The following ZNF462 variants were observed in gnomAD, a reference collection of about 807,000 sequenced individuals.
ZNF462 encodes the protein zinc finger PBX1-interacting protein.
In ZNF462, 10 loss-of-function variants were observed where a neutral mutation model predicts 201.9. The ratio of observed to expected loss-of-function variants is 0.05; its 90% CI spans 0.03 to 0.08. The LOEUF is 0.08. Ranked by LOEUF, ZNF462 falls within the 10% of genes least tolerant of loss-of-function variation. The pLI is 1.00. For missense variants in ZNF462, 2,523 were observed against 3,168.3 expected, an observed-to-expected ratio of 0.80 and a Z score of 4.89; for synonymous variants, 1,227 against 1,193.3, an observed-to-expected ratio of 1.03 and a Z score of -0.58.
At chr9:106,874,842 GA>G (rs1827757921) in intron 1 of ZNF462, among the ~76,000 whole-genome samples, 1 of 152,150 alleles carries the variant, frequency 6.6e-6, no homozygotes, top group Non-Finnish European at 1.5e-5. Context: ...CAGTGTTTCA[GA>G]ATACCTCACC....
At position 106,865,238 on chromosome 9, in the gene ZNF462, G is replaced by T. The variant is rs539131761; in HGVS notation, c.-31+1883G>T. Among the ~76,000 whole-genome samples, 2 of 152,082 alleles carry T rather than the reference G, an allele frequency of 1.3e-5. No homozygotes were observed. Among genetic ancestry groups the T allele is most frequent in the Non-Finnish European group, 2.9e-5 (2 of 68,020 alleles). ...TTCTCCTTTTGAGTGGACCTGAAGGGTTTTGACCTCCTTCAGGAAAGGCAA... is the reference window on the plus strand; with the variant it reads ...TTCTCCTTTTGAGTGGACCTGAAGGTTTTTGACCTCCTTCAGGAAAGGCAA... On this transcript the variant is annotated intron_variant, in intron 1 of 12. Coordinates refer to ENST00000277225, the MANE Select transcript of ZNF462 (RefSeq NM_021224.6). The surrounding 1 kb of genome is among the most constrained non-coding windows in gnomAD (Gnocchi z 4.1).
In ZNF462 at chr9:106,877,966, C is replaced by A. The variant is rs1287947785; in HGVS notation, c.-31+14611C>A. 2.0e-5 allele frequency among the ~76,000 whole-genome samples: 3 copies of A among 152,192 alleles called. No individual in the cohort carries two copies. The East Asian group carries it at 5.8e-4, about 29-fold the overall frequency. On this transcript the variant is annotated intron_variant, in intron 1 of 12. Coordinates refer to ENST00000277225, the MANE Select transcript of ZNF462 (RefSeq NM_021224.6). ...GCTGAACCCCAGACTCCCTAGGACC[C>A]CTAAAAGACTGGGAGTGGGAAGGTT... is the stretch of plus-strand genomic sequence containing the variant.
rs149710757 is a variant in ZNF462 at position 106,879,335 on chromosome 9, C to G, written c.-31+15980C>G. ...GAAGCCTAGAGAGATGCTTTCCACC[C>G]CCCCCCCCACCCCCCACCTTGTCTC... On this transcript the variant is annotated intron_variant, in intron 1 of 12. Coordinates refer to ENST00000277225, the MANE Select transcript of ZNF462 (RefSeq NM_021224.6). Among the ~76,000 whole-genome samples, 39 of 101,506 alleles carry G rather than the reference C, an allele frequency of 3.8e-4. 1 individual carries two copies. The East Asian group carries it at 0.013, about 34-fold the overall frequency. 66.6% of individuals were successfully genotyped at this position (101,506 alleles called of 152,430 possible). A position where few individuals can be genotyped will look rare whatever the true frequency, so the allele number is the denominator to read the frequency against.
intron 7 of ZNF462, among the ~76,000 whole-genome samples, chr9:106,957,814 A>G (rs1831647784): frequency 6.6e-6 from 1 of 152,148 alleles, no homozygotes; most frequent in Non-Finnish European, 1.5e-5. Context: ...AAATAGAGCA[A>G]AGGGTGGCTG....
intron 10 of ZNF462, among the ~76,000 whole-genome samples, chr9:106,992,812 T>C (rs1230380647): frequency 6.6e-6 from 1 of 152,076 alleles, no homozygotes; most frequent in Non-Finnish European, 1.5e-5. Flanking sequence ...TTACTTATAA[T>C]AGATAAATTT....
At chr9:106,862,234 G>A (rs1827088323), upstream of ZNF462, among the ~76,000 whole-genome samples, 1 of 152,320 alleles carries the variant, frequency 6.6e-6, no homozygotes, top group East Asian at 1.9e-4. This position sits in a 1 kb window ranked among gnomAD's most constrained non-coding sequence, Gnocchi z 4.2. Flanking sequence ...CCACGTGGTT[G>A]ATCTGGGTTT....
In ZNF462 at chr9:106,972,055, C is replaced by G. The variant is rs1826646877; in HGVS notation, c.6478C>G (p.Gln2160Glu). The part of the protein sequence containing the change: ...PDVQQQLNHY[Q>E]SAALARNNSR... ...TGTTCAGCAGCAGTTGAACCACTATCAGTCAGCTGCCCTGGCAAGGAACAA... is the reference window on the plus strand; with the variant it reads ...TGTTCAGCAGCAGTTGAACCACTATGAGTCAGCTGCCCTGGCAAGGAACAA... Residue 2160 changes from glutamine (Q) to glutamate (E), a missense_variant, in exon 8 of 13, where the codon CAG becomes GAG. Coordinates refer to ENST00000277225, the MANE Select transcript of ZNF462 (RefSeq NM_021224.6). The surrounding 1 kb of genome is among the most constrained non-coding windows in gnomAD (Gnocchi z 4.8). 1 of 1,614,086 alleles carries G rather than the reference C, an allele frequency of 6.2e-7. No homozygotes were observed. The highest frequency in any genetic ancestry group is 8.5e-7 in the Non-Finnish European group (1 of 1,180,032).
chr9:106,952,343 T>C (rs1408773524), intron 7 of ZNF462, among the ~76,000 whole-genome samples: 1 of 152,198 alleles, frequency 6.6e-6, no homozygotes, highest in Non-Finnish European at 1.5e-5. Flanking sequence ...TCTAAATTAC[T>C]GTAGAAATAG....
At chr9:106,860,290 G>C (rs930139692), upstream of ZNF462, among the ~76,000 whole-genome samples, 5 of 152,230 alleles carry the variant, frequency 3.3e-5, no homozygotes, top group Non-Finnish European at 7.3e-5. This position sits in a 1 kb window ranked among gnomAD's most constrained non-coding sequence, Gnocchi z 7.1. Context: ...CGGTCCGCCA[G>C]CCGCTTCCCC....
At position 106,919,660 on chromosome 9, in the gene ZNF462, G is replaced by A. The variant is rs1463454819; in HGVS notation, c.-30-3694G>A. On this transcript the variant is annotated intron_variant, in intron 1 of 12. Coordinates refer to ENST00000277225, the MANE Select transcript of ZNF462 (RefSeq NM_021224.6). The surrounding 1 kb of genome is among the most constrained non-coding windows in gnomAD (Gnocchi z 4.5). ...AATGCAAACTGAACAAACCAGCAAC[G>A]AATAAGTAGTACTAAAGGCAGTGAC... Among the ~76,000 whole-genome samples, 1 of 152,130 alleles carries A rather than the reference G, an allele frequency of 6.6e-6. No homozygotes were observed. Among genetic ancestry groups the A allele is most frequent in the African/African-American group, 2.4e-5 (1 of 41,428 alleles).
chr9:107,011,133 C>A lies in ZNF462; in HGVS notation c.*103C>A. 2 of 1,163,686 alleles carry A rather than the reference C, an allele frequency of 1.7e-6. No individual in the cohort carries two copies. Among genetic ancestry groups the A allele is most frequent in the Non-Finnish European group, 1.2e-6 (1 of 818,906 alleles). 72.1% of individuals were successfully genotyped at this position (1,163,686 alleles called of 1,614,324 possible). A position where few individuals can be genotyped will look rare whatever the true frequency, so the allele number is the denominator to read the frequency against. ...GAGGGACAGAAAAGAGAAGACAGAACAAAGCTGCTTTTTAGGACTGAACAA... is the reference window on the plus strand; with the variant it reads ...GAGGGACAGAAAAGAGAAGACAGAAAAAAGCTGCTTTTTAGGACTGAACAA... On this transcript the variant is annotated 3_prime_UTR_variant, in exon 13 of 13. Coordinates refer to ENST00000277225, the MANE Select transcript of ZNF462 (RefSeq NM_021224.6). The surrounding 1 kb of genome is among the most constrained non-coding windows in gnomAD (Gnocchi z 5.6).
chr9:106,906,724 GATT>G (rs1829290276), intron 1 of ZNF462, among the ~76,000 whole-genome samples: 1 of 152,122 alleles, frequency 6.6e-6, no homozygotes, highest in Admixed American at 6.5e-5. Context: ...TACATTTGAT[GATT>G]ATTTTTAAAT....
At chr9:106,990,042 A>G (rs779427870) in intron 10 of ZNF462, among the ~76,000 whole-genome samples, 2 of 151,562 alleles carry the variant, frequency 1.3e-5, no homozygotes, top group Non-Finnish European at 3.0e-5. Context: ...TTTCAATTTC[A>G]TTTAGTTCTG....
chr9:106,879,335 C>T (rs149710757), intron 1 of ZNF462, among the ~76,000 whole-genome samples: 2 of 101,472 alleles, frequency 2.0e-5, no homozygotes, highest in Non-Finnish European at 3.9e-5. Flanking sequence ...GCTTTCCACC[C>T]CCCCCCCCAC....
rs968430097 is a variant in ZNF462 at position 107,006,287 on chromosome 9, G to A, written c.7189+2861G>A. On this transcript the variant is annotated intron_variant, in intron 11 of 12. Transcript: ENST00000277225. This position sits in a 1 kb window ranked among gnomAD's most constrained non-coding sequence, Gnocchi z 4.3. ...AGCCTGCAATGTAGGTGTTATTTTTGTGATTTCACAAATGGGAAAATAAGG... is the reference window on the plus strand; with the variant it reads ...AGCCTGCAATGTAGGTGTTATTTTTATGATTTCACAAATGGGAAAATAAGG... Among the ~76,000 whole-genome samples, 2 of 152,088 alleles carry A rather than the reference G, an allele frequency of 1.3e-5. No homozygotes were observed. Among genetic ancestry groups the A allele is most frequent in the Non-Finnish European group, 2.9e-5 (2 of 68,006 alleles).
rs1828208706 is a variant in ZNF462 at position 106,883,935 on chromosome 9, T to C, written c.-31+20580T>C. Reference sequence around the variant, plus strand: ...TAATTGCTGGATATTTGGGTGGCAATAGAGGAAGCTGTTATGCTGTCTTCA... The same window carrying C: ...TAATTGCTGGATATTTGGGTGGCAACAGAGGAAGCTGTTATGCTGTCTTCA... On this transcript the variant is annotated intron_variant, in intron 1 of 12. Coordinates refer to ENST00000277225, the MANE Select transcript of ZNF462 (RefSeq NM_021224.6). This position sits in a 1 kb window ranked among gnomAD's most constrained non-coding sequence, Gnocchi z 4.9. Among the ~76,000 whole-genome samples the C allele has an allele frequency of 6.6e-6, 1 of 152,168 alleles. No homozygotes were observed. Among genetic ancestry groups the C allele is most frequent in the African/African-American group, 2.4e-5 (1 of 41,428 alleles).
intron 1 of ZNF462, among the ~76,000 whole-genome samples, chr9:106,910,318 G>A (rs60896348): frequency 3.2e-5 from 4 of 123,584 alleles, no homozygotes; most frequent in Non-Finnish European, 5.2e-5. Context: ...TTCATGGGTC[G>A]TTTCCATGCT....
At chr9:106,946,099 C>A (rs1291682386) in intron 7 of ZNF462, among the ~76,000 whole-genome samples, 5 of 152,324 alleles carry the variant, frequency 3.3e-5, no homozygotes, top group African/African-American at 9.6e-5. Context: ...CCCATGCCAA[C>A]AAAAACATTG....
chr9:106,929,473 T>C lies in ZNF462; in HGVS notation c.5561T>C (p.Leu1854Pro). ...TTCCGCTGCATCAAATGCTTCAAGCTGTCCTTTAGCACTGCAGAGCTGCTG... is the reference window on the plus strand; with the variant it reads ...TTCCGCTGCATCAAATGCTTCAAGCCGTCCTTTAGCACTGCAGAGCTGCTG... Reference protein sequence around the residue: ...LPFRCIKCFKLSFSTAELLCM... With the variant: ...LPFRCIKCFKPSFSTAELLCM... Residue 1854 changes from leucine (L) to proline (P), a missense_variant, in exon 3 of 13, where the codon CTG becomes CCG. Physicochemically the swap from Leu to Pro is moderately conservative, Grantham distance 98. This residue lies in a region of ZNF462 where 207 missense variants were observed against 231.6 expected (regional missense o/e 0.89). Transcript: ENST00000277225. This position sits in a 1 kb window ranked among gnomAD's most constrained non-coding sequence, Gnocchi z 8.7. The C allele has an allele frequency of 6.2e-7, 1 of 1,614,168 alleles. No homozygotes were observed. Among genetic ancestry groups the C allele is most frequent in the South Asian group, 1.1e-5 (1 of 91,088 alleles).
Sources: gnomAD v4.1 joint callset for allele counts (sites outside exome capture counted in the v4.1 genomes callset) on GRCh38, gnomAD v4.1.1 for gene constraint, gnomAD v4.1.1 regional missense constraint, Gnocchi (gnomAD v3.1) non-coding constraint, MANE v1.5 for transcripts, NCBI Gene and HGNC (gene_info 2026-07-23, HGNC 2026-07-21) for gene names.